Variants in PTTG1IP2 observed in about 807,000 individuals in gnomAD.
The protein encoded by PTTG1IP2 is PTTG1IP family member 2.
At chr7:90,499,245 G>A (rs17862210) in intron 6 of PTTG1IP2, among the ~76,000 whole-genome samples, 3,072 of 152,276 alleles carry the variant, frequency 0.02, 46 homozygotes, top group Middle Eastern at 0.034. Flanking sequence ...TAAATATTTG[G>A]CTCTGGAAAA....
At chr7:90,498,255 G>A (rs1275443654) in intron 6 of PTTG1IP2, among the ~76,000 whole-genome samples, 3 of 152,136 alleles carry the variant, frequency 2.0e-5, no homozygotes, top group Non-Finnish European at 1.5e-5. Context: ...TCGATCTCCT[G>A]ACCTCATGAG....
chr7:90,497,302 T>C (rs1033424824), intron 6 of PTTG1IP2, among the ~76,000 whole-genome samples: 2 of 152,102 alleles, frequency 1.3e-5, no homozygotes, highest in African/African-American at 2.4e-5. Flanking sequence ...CAGTGGCTCA[T>C]GCCTGTAATC....
chr7:90,474,668 C>T (rs1797727085), intron 1 of PTTG1IP2, among the ~76,000 whole-genome samples: 1 of 152,104 alleles, frequency 6.6e-6, no homozygotes, highest in Non-Finnish European at 1.5e-5. Context: ...GAATTATTGG[C>T]CTGGAAGGGC....
intron 2 of PTTG1IP2, among the ~76,000 whole-genome samples, chr7:90,485,509 TA>T (rs1169756593): frequency 6.6e-6 from 1 of 152,172 alleles, no homozygotes; most frequent in Admixed American, 6.5e-5. Context: ...GAAAGCCGGA[TA>T]ACAACAGTAA....
intron 1 of PTTG1IP2, among the ~76,000 whole-genome samples, chr7:90,475,864 C>A (rs1329920149): frequency 4.0e-5 from 6 of 150,696 alleles, no homozygotes; most frequent in Non-Finnish European, 7.4e-5. Context: ...GAGGCTGAGG[C>A]AGGAGGGTGG....
chr7:90,477,696 G>A lies in PTTG1IP2; in HGVS notation c.146-1532G>A, dbSNP rs534518392. ...ATGGGATCTTGCAAAGGAGAAGGAC[G>A]TTAGTGTAGAGACTGGTGAAATCCT... On this transcript the variant is annotated intron_variant, in intron 1 of 6. Coordinates refer to ENST00000509356, the MANE Select transcript of PTTG1IP2 (RefSeq NM_001365443.2). Among the ~76,000 whole-genome samples the A allele has an allele frequency of 7.7e-4, 117 of 152,304 alleles. 2 individuals carry two copies. In the South Asian group the frequency reaches 0.024, roughly 32 times the overall value.
rs543376492 is a variant in PTTG1IP2 at position 90,501,842 on chromosome 7, A to T, written c.*50+7412A>T. ...CTGTGGCAATGAGGTTTGCCACATG[A>T]TTCGTTCTTCCTTTCATTAAAGATT... On this transcript the variant is annotated intron_variant, in intron 6 of 6. Coordinates refer to ENST00000509356, the MANE Select transcript of PTTG1IP2 (RefSeq NM_001365443.2). Among the ~76,000 whole-genome samples, 15 of 152,316 alleles carry T rather than the reference A, an allele frequency of 9.8e-5. 1 individual carries two copies. The South Asian group carries it at 2.3e-3, about 23-fold the overall frequency.
chr7:90,508,536 C>A (rs1798151170), intron 6 of PTTG1IP2, among the ~76,000 whole-genome samples: 2 of 152,090 alleles, frequency 1.3e-5, no homozygotes, highest in Admixed American at 6.6e-5. Flanking sequence ...TGAAAAAGTA[C>A]AGATTATACC....
chr7:90,473,295 T>G (rs774691244), intron 1 of PTTG1IP2, among the ~76,000 whole-genome samples: 17 of 152,148 alleles, frequency 1.1e-4, no homozygotes, highest in Non-Finnish European at 2.2e-4. Flanking sequence ...CAGAGAATAC[T>G]GGACCTCACG....
At chr7:90,495,892 T>C (rs557929511) in intron 6 of PTTG1IP2, among the ~76,000 whole-genome samples, 56 of 152,250 alleles carry the variant, frequency 3.7e-4, no homozygotes, top group African/African-American at 1.3e-3. Flanking sequence ...TTATTTGTTG[T>C]TGTTGGGATT....
intron 6 of PTTG1IP2, among the ~76,000 whole-genome samples, chr7:90,500,734 G>A (rs1798052838): frequency 6.6e-6 from 1 of 152,168 alleles, no homozygotes; most frequent in Non-Finnish European, 1.5e-5. Context: ...ATTAGATGTG[G>A]GAGGCCCTCC....
intron 6 of PTTG1IP2, among the ~76,000 whole-genome samples, chr7:90,494,967 G>C (rs995957917): frequency 6.6e-6 from 1 of 152,036 alleles, no homozygotes; most frequent in Non-Finnish European, 1.5e-5. Flanking sequence ...TTATGATTGC[G>C]CTACTGCATT....
intron 6 of PTTG1IP2, among the ~76,000 whole-genome samples, chr7:90,507,079 T>G (rs1173169298): frequency 6.6e-6 from 1 of 152,210 alleles, no homozygotes; most frequent in Non-Finnish European, 1.5e-5. Context: ...GATGTAAAAC[T>G]TCATCAAATT....
intron 1 of PTTG1IP2, among the ~76,000 whole-genome samples, chr7:90,470,703 C>T (rs769177760): frequency 2.6e-5 from 4 of 152,132 alleles, no homozygotes; most frequent in East Asian, 1.9e-4. Flanking sequence ...GTTGGGGCGA[C>T]GCTGAATTAA....
Position 90,513,333 on chromosome 7 carries a change from C to T in PTTG1IP2, c.*106C>T, listed in dbSNP as rs985297499. ...GCCTCTTTGAGAATGATTGAACTTCCAAATTCCCTGAAGTTAAAATTTTAA... is the reference window on the plus strand; with the variant it reads ...GCCTCTTTGAGAATGATTGAACTTCTAAATTCCCTGAAGTTAAAATTTTAA... On this transcript the variant is annotated 3_prime_UTR_variant, in exon 7 of 7. Coordinates refer to ENST00000509356, the MANE Select transcript of PTTG1IP2 (RefSeq NM_001365443.2). The T allele has an allele frequency of 2.0e-5, 3 of 152,556 alleles. No individual in the cohort carries two copies. Among genetic ancestry groups the T allele is most frequent in the Non-Finnish European group, 4.4e-5 (3 of 68,022 alleles). 9.5% of individuals were successfully genotyped at this position (152,556 alleles called of 1,614,324 possible). A position where few individuals can be genotyped will look rare whatever the true frequency, so the allele number is the denominator to read the frequency against.
intron 2 of PTTG1IP2, among the ~76,000 whole-genome samples, chr7:90,484,640 G>C (rs913099149): frequency 6.6e-6 from 1 of 152,028 alleles, no homozygotes; most frequent in African/African-American, 2.4e-5. Flanking sequence ...GTGAAGTTCT[G>C]GTCTTTGATA....
At chr7:90,497,429 C>G (rs926833590) in intron 6 of PTTG1IP2, among the ~76,000 whole-genome samples, 2 of 151,580 alleles carry the variant, frequency 1.3e-5, no homozygotes, top group African/African-American at 4.9e-5. Context: ...CCGGGCGTGG[C>G]GGCGGGCGCC....
chr7:90,478,114 A>T (rs17869675), intron 1 of PTTG1IP2, among the ~76,000 whole-genome samples: 2,504 of 151,158 alleles, frequency 0.017, 67 homozygotes, highest in African/African-American at 0.057. Context: ...AAAAAAAAAA[A>T]AAGAAAAAGA....
intron 1 of PTTG1IP2, 33 bp from the exon 2 acceptor site, chr7:90,479,195 A>T (rs1230993486): frequency 6.6e-6 from 1 of 152,640 alleles, no homozygotes; most frequent in Admixed American, 6.5e-5. Context: ...AAGGATTTGG[A>T]TTAATTTTGG....
Sources: allele counts gnomAD v4.1 joint callset (sites outside exome capture counted in the v4.1 genomes callset), GRCh38; gene constraint gnomAD v4.1.1; transcripts MANE v1.5; gene names NCBI Gene and HGNC (gene_info 2026-07-23, HGNC 2026-07-21).